GNG7: variants seen among roughly 807,000 people sequenced by gnomAD.
The protein encoded by GNG7 is G protein subunit gamma 7.
Under a neutral mutation model 4.0 loss-of-function variants are expected in GNG7, and 1 was observed. That is an observed-to-expected ratio of 0.25 (90% CI 0.09 to 1.18). The LOEUF is 1.18. Among genes scored for constraint, GNG7 ranks in the 50% most tolerant of loss-of-function variants. GNG7 has a pLI of 0.50. For synonymous variants in GNG7, 34 were observed against 36.9 expected (o/e 0.92, Z 0.29); for missense variants, 86 against 91.9 (o/e 0.94, Z 0.26).
intron 2 of GNG7, among the ~76,000 whole-genome samples, chr19:2,602,405 C>T (rs1981228026): frequency 6.6e-6 from 1 of 152,216 alleles, no homozygotes; most frequent in Admixed American, 6.5e-5. Flanking sequence ...GCCCTGGCTC[C>T]CCTGTACCCA....
chr19:2,562,238 C>G (rs540090833), intron 2 of GNG7, among the ~76,000 whole-genome samples: 1 of 152,048 alleles, frequency 6.6e-6, no homozygotes, highest in Non-Finnish European at 1.5e-5. Flanking sequence ...CTGCTCAGCC[C>G]CAGGAACACA....
chr19:2,583,003 G>C (rs2144792707), intron 2 of GNG7, among the ~76,000 whole-genome samples: 1 of 152,110 alleles, frequency 6.6e-6, no homozygotes, highest in Middle Eastern at 3.4e-3. Context: ...ATGGGGTCTT[G>C]CTATGTTGCC....
At chr19:2,571,753 G>A (rs1046614025) in intron 2 of GNG7, among the ~76,000 whole-genome samples, 1 of 151,606 alleles carries the variant, frequency 6.6e-6, no homozygotes, top group Non-Finnish European at 1.5e-5. Context: ...GTGCCACCAC[G>A]CCTGGCTAAT....
chr19:2,528,445 T>G (rs1599374399), intron 3 of GNG7, among the ~76,000 whole-genome samples: 1 of 142,968 alleles, frequency 7.0e-6, no homozygotes, highest in African/African-American at 2.6e-5. Context: ...TAGCCGGGCA[T>G]GGCGGCGGGC....
chr19:2,687,345 G>A (rs988805670), intron 1 of GNG7, among the ~76,000 whole-genome samples: 1 of 152,136 alleles, frequency 6.6e-6, no homozygotes, highest in African/African-American at 2.4e-5. Context: ...GGCTGGGCAT[G>A]GTGGCTCACA....
At chr19:2,544,000 C>T (rs1303228284) in intron 3 of GNG7, among the ~76,000 whole-genome samples, 1 of 151,150 alleles carries the variant, frequency 6.6e-6, no homozygotes, top group Non-Finnish European at 1.5e-5. Flanking sequence ...TCTCACCCCT[C>T]CAAACCTCTG....
chr19:2,677,294 G>C (rs1036171931), intron 1 of GNG7, among the ~76,000 whole-genome samples: 3 of 150,928 alleles, frequency 2.0e-5, no homozygotes, highest in Non-Finnish European at 2.9e-5. Flanking sequence ...TACAACCGTG[G>C]TTCTCAACCA....
intron 1 of GNG7, among the ~76,000 whole-genome samples, chr19:2,671,328 C>T: frequency 6.6e-6 from 1 of 152,098 alleles, no homozygotes; most frequent in East Asian, 1.9e-4. Flanking sequence ...AGGCCGAGGA[C>T]CACCCCGGAT....
chr19:2,677,215 A>G lies in GNG7; in HGVS notation c.-135+25431T>C, dbSNP rs947957801. Among the ~76,000 whole-genome samples, 37 of 151,644 alleles carry G rather than the reference A, an allele frequency of 2.4e-4. 1 individual carries two copies. Among genetic ancestry groups the G allele is most frequent in the Admixed American group, 2.4e-3 (36 of 15,228 alleles). On this transcript the variant is annotated intron_variant, in intron 1 of 4. Transcript: ENST00000382159. ...TGTTGGAGCATGGAGGCTGAATCTAATCCATCAACAGGATGCCACAGGGGA... is the reference window on the plus strand; with the variant it reads ...TGTTGGAGCATGGAGGCTGAATCTAGTCCATCAACAGGATGCCACAGGGGA...
chr19:2,531,303 CAAAAAAAAAAAA>C (rs58133235), intron 3 of GNG7, among the ~76,000 whole-genome samples: 12 of 95,052 alleles, frequency 1.3e-4, no homozygotes, highest in Admixed American at 3.6e-4. Context: ...GATTCCGTCT[CAAAAAAAAAAAA>C]AAAAAAAAAA....
intron 3 of GNG7, among the ~76,000 whole-genome samples, chr19:2,550,203 C>G (rs930207870): frequency 6.6e-6 from 1 of 152,122 alleles, no homozygotes; most frequent in African/African-American, 2.4e-5. Flanking sequence ...TCTCATCCAG[C>G]CCCCGTGGCG....
In GNG7 at chr19:2,626,246, A is replaced by C. The variant is rs753950276; in HGVS notation, c.-78+19978T>G. 6.6e-6 allele frequency among the ~76,000 whole-genome samples: 1 copy of C among 152,110 alleles called. No homozygotes were observed. Among genetic ancestry groups the C allele is most frequent in the African/African-American group, 2.4e-5 (1 of 41,422 alleles). On this transcript the variant is annotated intron_variant, in intron 2 of 4. Coordinates refer to ENST00000382159, the MANE Select transcript of GNG7 (RefSeq NM_052847.3). This position sits in a 1 kb window ranked among gnomAD's most constrained non-coding sequence, Gnocchi z 5.0. ...GATGCTGCTCCCGCCCCAGGCCTGA[A>C]GCCGGCCCCCTGCCCCAAACCAGCC... is the stretch of plus-strand genomic sequence containing the variant.
At chr19:2,553,568 T>C (rs1979415357) in intron 3 of GNG7, among the ~76,000 whole-genome samples, 1 of 149,278 alleles carries the variant, frequency 6.7e-6, no homozygotes, top group Non-Finnish European at 1.5e-5. Flanking sequence ...TCACATGTAA[T>C]AAATCATATC....
chr19:2,538,218 C>T (rs907867223), intron 3 of GNG7: 20 of 456,696 alleles, frequency 4.4e-5, no homozygotes, highest in African/African-American at 2.2e-4. Flanking sequence ...AGAACATACA[C>T]GAGCATCAGG....
In GNG7 at chr19:2,663,352, C is replaced by CA. The variant is rs35399488; in HGVS notation, c.-134-17073_-134-17072insT. Among the ~76,000 whole-genome samples, 1,285 of 151,854 alleles carry CA rather than the reference C, an allele frequency of 8.5e-3. 11 individuals are homozygous for CA. Among genetic ancestry groups the CA allele is most frequent in the African/African-American group, 0.03 (1,246 of 41,304 alleles). On this transcript the variant is annotated intron_variant, in intron 1 of 4. Transcript: ENST00000382159. Reference sequence around the variant, plus strand: ...TCACCCTTTCTCTCTCTCTCCCCCCCCTCCTCTTTCTTCCCCAGTTCCCCA... The same window carrying CA: ...TCACCCTTTCTCTCTCTCTCCCCCCCACTCCTCTTTCTTCCCCAGTTCCCCA...
At chr19:2,668,745 C>G (rs1258365765) in intron 1 of GNG7, among the ~76,000 whole-genome samples, 1 of 152,094 alleles carries the variant, frequency 6.6e-6, no homozygotes, top group Non-Finnish European at 1.5e-5. Flanking sequence ...TGATAATATG[C>G]CGTGACATCC....
intron 3 of GNG7, among the ~76,000 whole-genome samples, chr19:2,551,284 A>G (rs940552304): frequency 2.0e-5 from 3 of 152,182 alleles, no homozygotes; most frequent in African/African-American, 7.2e-5. Flanking sequence ...CATGGAGAAT[A>G]TATTCATGGA....
rs769542772 is a variant in GNG7, at chr19:2,609,811, C to T, written c.-78+36413G>A. Among the ~76,000 whole-genome samples the T allele has an allele frequency of 3.3e-5, 5 of 152,168 alleles. No homozygotes were observed. The highest frequency in any genetic ancestry group is 4.4e-5 in the Non-Finnish European group (3 of 68,026). On this transcript the variant is annotated intron_variant, in intron 2 of 4. Coordinates refer to ENST00000382159, the MANE Select transcript of GNG7 (RefSeq NM_052847.3). This position sits in a 1 kb window ranked among gnomAD's most constrained non-coding sequence, Gnocchi z 4.4. Reference sequence around the variant, plus strand: ...GCCACCGTAGGACAATCCAGTGGGACCTGGGGGTGCCTCTGGGCCATTGGG... The same window carrying T: ...GCCACCGTAGGACAATCCAGTGGGATCTGGGGGTGCCTCTGGGCCATTGGG...
At chr19:2,684,629 G>A (rs2144903210) in intron 1 of GNG7, among the ~76,000 whole-genome samples, 1 of 152,316 alleles carries the variant, frequency 6.6e-6, no homozygotes, top group South Asian at 2.1e-4. Context: ...GCCAGGCACA[G>A]AAGGACACAT....
Sources: gnomAD v4.1 joint callset for allele counts (sites outside exome capture counted in the v4.1 genomes callset) on GRCh38, gnomAD v4.1.1 for gene constraint, Gnocchi (gnomAD v3.1) non-coding constraint, MANE v1.5 for transcripts, NCBI Gene and HGNC (gene_info 2026-07-23, HGNC 2026-07-21) for gene names.